DIS3L2: variants seen among roughly 807,000 people sequenced by gnomAD.
The protein encoded by DIS3L2 is DIS3 like 3'-5' exoribonuclease 2, also known as DIS3-like exonuclease 2.
DIS3L2 carries 34 observed loss-of-function variants against 97.5 expected under a neutral mutation model. The observed-to-expected ratio is 0.35, with a 90% confidence interval of 0.27 to 0.46. The LOEUF is 0.46. Ranked by LOEUF, DIS3L2 falls within the 20% of genes least tolerant of loss-of-function variation. DIS3L2 has a pLI of 1.00. For missense variants in DIS3L2, 1,038 were observed against 1,146.0 expected, an observed-to-expected ratio of 0.91 and a Z score of 1.36; for synonymous variants, 435 against 445.2, an observed-to-expected ratio of 0.98 and a Z score of 0.29.
At chr2:232,222,679 TTG>T (rs1486346066) in intron 10 of DIS3L2, among the ~76,000 whole-genome samples, 3 of 152,094 alleles carry the variant, frequency 2.0e-5, no homozygotes, top group African/African-American at 7.2e-5. Flanking sequence ...GTTGGCCAGG[TTG>T]GTCTCGAACT....
At chr2:232,132,588 T>G (rs1309001825) in intron 7 of DIS3L2, among the ~76,000 whole-genome samples, 1 of 152,164 alleles carries the variant, frequency 6.6e-6, no homozygotes, top group Non-Finnish European at 1.5e-5. Flanking sequence ...GGCCCAGGCC[T>G]AGTGTTTCTG....
intron 5 of DIS3L2, among the ~76,000 whole-genome samples, chr2:232,064,140 A>T (rs553849523): frequency 6.0e-4 from 92 of 152,282 alleles, no homozygotes; most frequent in African/African-American, 2.2e-3. Context: ...GGTTCTATGA[A>T]TTAAAATCTT....
chr2:232,322,956 T>C (rs376682150), intron 14 of DIS3L2, among the ~76,000 whole-genome samples: 44 of 152,194 alleles, frequency 2.9e-4, no homozygotes, highest in African/African-American at 8.9e-4. Flanking sequence ...CTTCCCCTGC[T>C]GGGGCTTGAA....
At position 232,281,467 on chromosome 2, in the gene DIS3L2, A is replaced by G. The variant is rs535690874; in HGVS notation, c.1659+18027A>G. On this transcript the variant is annotated intron_variant, in intron 13 of 20. Coordinates refer to ENST00000325385, the MANE Select transcript of DIS3L2 (RefSeq NM_152383.5). The surrounding 1 kb of genome is among the most constrained non-coding windows in gnomAD (Gnocchi z 4.1). The stretch of plus-strand genomic sequence containing the variant: ...GGTGCTGTTGAAGCATTTTACATAT[A>G]GGAGTTGTGGGATGGGACCTCTTTT... Among the ~76,000 whole-genome samples, 1 of 152,320 alleles carries G rather than the reference A, an allele frequency of 6.6e-6. No individual in the cohort carries two copies. The highest frequency in any genetic ancestry group is 6.5e-5 in the Admixed American group (1 of 15,302).
At chr2:232,098,129 A>C (rs1156889535) in intron 6 of DIS3L2, among the ~76,000 whole-genome samples, 2 of 152,200 alleles carry the variant, frequency 1.3e-5, no homozygotes, top group Non-Finnish European at 2.9e-5. Context: ...CAGGACCCAC[A>C]GTGTTCTAAG....
intron 5 of DIS3L2, among the ~76,000 whole-genome samples, chr2:232,073,873 C>T (rs3100624): frequency 0.93 from 142,347 of 152,322 alleles, 66,600 homozygotes; most frequent in East Asian, 1. Flanking sequence ...CTGTTTGCAA[C>T]TGATCTAACT....
intron 10 of DIS3L2, 25 bp from the exon 11 acceptor site, chr2:232,238,508 G>A (rs1000326952): frequency 3.4e-5 from 55 of 1,601,842 alleles, no homozygotes; most frequent in Non-Finnish European, 3.8e-5. Context: ...ACGCCAGCCT[G>A]ATAGTCCTTC....
chr2:232,125,780 C>T (rs369114732), intron 6 of DIS3L2, among the ~76,000 whole-genome samples: 5 of 152,118 alleles, frequency 3.3e-5, no homozygotes, highest in African/African-American at 7.2e-5. Flanking sequence ...CATAAGCACT[C>T]GTTAGCCCAG....
chr2:232,181,673 C>T (rs187498459), intron 9 of DIS3L2, among the ~76,000 whole-genome samples: 1 of 152,010 alleles, frequency 6.6e-6, no homozygotes, highest in African/African-American at 2.4e-5. Flanking sequence ...ATGTCTCACT[C>T]TGTCACTCAT....
chr2:232,124,769 A>C (rs1698008054), intron 6 of DIS3L2, among the ~76,000 whole-genome samples: 1 of 152,182 alleles, frequency 6.6e-6, no homozygotes, highest in Admixed American at 6.5e-5. Context: ...AAATTTAGAT[A>C]CACCAGGAGG....
intron 5 of DIS3L2, among the ~76,000 whole-genome samples, chr2:232,061,516 G>A (rs147950373): frequency 1.6e-4 from 25 of 152,306 alleles, no homozygotes; most frequent in African/African-American, 5.5e-4. Flanking sequence ...ACACGTACAC[G>A]TATAGTTCTA....
chr2:232,266,524 T>C (rs1246521497), intron 13 of DIS3L2, among the ~76,000 whole-genome samples: 1 of 152,242 alleles, frequency 6.6e-6, no homozygotes, highest in Non-Finnish European at 1.5e-5. Flanking sequence ...CCCTTGGAGT[T>C]GATTCCTTGG....
At position 232,255,468 on chromosome 2, in the gene DIS3L2, C is replaced by T. The variant is rs73996953; in HGVS notation, c.1425+6122C>T. On this transcript the variant is annotated intron_variant, in intron 12 of 20. Transcript: ENST00000325385. ...GTCAGCTATAGAAAGATTGTTCCAA[C>T]GTTTTCTTAACGCCTACTAAATTTT... 6.2e-4 allele frequency among the ~76,000 whole-genome samples: 95 copies of T among 152,292 alleles called. 1 individual carries two copies. Among genetic ancestry groups the T allele is most frequent in the African/African-American group, 2.2e-3 (90 of 41,558 alleles).
chr2:231,990,136 G>A (rs182327012), intron 1 of DIS3L2, among the ~76,000 whole-genome samples: 1 of 151,744 alleles, frequency 6.6e-6, no homozygotes, highest in East Asian at 1.9e-4. Context: ...AGCCAAGTGT[G>A]AATTCTGACA....
intron 12 of DIS3L2, among the ~76,000 whole-genome samples, chr2:232,255,057 G>T (rs1693522141): frequency 6.6e-6 from 1 of 152,234 alleles, no homozygotes; most frequent in Non-Finnish European, 1.5e-5. Flanking sequence ...TCAGATTCCA[G>T]ACTCACATCC....
rs1049252200 is a variant in DIS3L2, at chr2:232,292,079, C to T, written c.1660-7961C>T. ...TACCTGTTCAGTAGCCCAGAGGGAC[C>T]CCTGGCATGCTTGCCTAGCCACACT... is the stretch of plus-strand genomic sequence containing the variant. On this transcript the variant is annotated intron_variant, in intron 13 of 20. Transcript: ENST00000325385. This position sits in a 1 kb window ranked among gnomAD's most constrained non-coding sequence, Gnocchi z 4.4. 1.3e-5 allele frequency among the ~76,000 whole-genome samples: 2 copies of T among 152,150 alleles called. No individual in the cohort carries two copies. Among genetic ancestry groups the T allele is most frequent in the Non-Finnish European group, 2.9e-5 (2 of 68,020 alleles).
chr2:232,050,173 T>C (rs1695359778), intron 5 of DIS3L2, among the ~76,000 whole-genome samples: 4 of 152,244 alleles, frequency 2.6e-5, no homozygotes, highest in Non-Finnish European at 5.9e-5. Flanking sequence ...CTTTTCTTTG[T>C]AATAACCTCT....
chr2:231,975,704 CAAA>C (rs34710079), intron 1 of DIS3L2, among the ~76,000 whole-genome samples: 1 of 55,408 alleles, frequency 1.8e-5, no homozygotes, highest in Non-Finnish European at 3.5e-5. Flanking sequence ...GACTCCGCCT[CAAA>C]AAAAAAAAAA....
At chr2:232,189,654 G>A (rs970703657) in intron 9 of DIS3L2, among the ~76,000 whole-genome samples, 2 of 152,140 alleles carry the variant, frequency 1.3e-5, no homozygotes, top group African/African-American at 4.8e-5. Flanking sequence ...TCTTGATTGA[G>A]TGGTATTTAC....
Sources: allele counts gnomAD v4.1 joint callset (sites outside exome capture counted in the v4.1 genomes callset), GRCh38; gene constraint gnomAD v4.1.1; non-coding constraint Gnocchi (gnomAD v3.1); transcripts MANE v1.5; gene names NCBI Gene and HGNC (gene_info 2026-07-23, HGNC 2026-07-21).